Variants in KAZN observed in about 807,000 individuals in gnomAD.
KAZN encodes the protein kazrin, periplakin interacting protein.
Under a neutral mutation model 87.4 loss-of-function variants are expected in KAZN, and 40 were observed. The observed-to-expected ratio is 0.46, with a 90% CI of 0.36 to 0.60. KAZN has a LOEUF of 0.60. Ranked by LOEUF, KAZN falls within the 20% of genes least tolerant of loss-of-function variation. KAZN has a pLI of 0.00. For synonymous variants in KAZN, 466 were observed against 458.3 expected, an observed-to-expected ratio of 1.02 and a Z score of -0.22; for missense variants, 898 against 1,073.9, an observed-to-expected ratio of 0.84 and a Z score of 2.29.
intron 8 of KAZN, among the ~76,000 whole-genome samples, chr1:15,084,721 C>T (rs767563245): frequency 5.8e-4 from 89 of 152,314 alleles, no homozygotes; most frequent in Non-Finnish European, 1.1e-3. Flanking sequence ...CATCCCCACT[C>T]CTCTTCTCTT....
chr1:14,505,902 AGGT>A (rs898148381), intron 2 of KAZN, among the ~76,000 whole-genome samples: 2 of 152,026 alleles, frequency 1.3e-5, no homozygotes. Flanking sequence ...TGAACCCGGG[AGGT>A]GGAGGTTGCA....
chr1:14,887,626 C>T (rs1207682791), intron 1 of KAZN, among the ~76,000 whole-genome samples: 1 of 151,410 alleles, frequency 6.6e-6, no homozygotes, highest in African/African-American at 2.4e-5. Flanking sequence ...AAGACTACCA[C>T]GAGGAGCCCC....
At chr1:14,775,790 A>G (rs1270097983) in intron 1 of KAZN, among the ~76,000 whole-genome samples, 1 of 152,228 alleles carries the variant, frequency 6.6e-6, no homozygotes. Flanking sequence ...TGTCAGCCAG[A>G]GAGGCTGCAA....
chr1:14,819,603 C>T (rs962389427), intron 1 of KAZN, among the ~76,000 whole-genome samples: 1 of 151,906 alleles, frequency 6.6e-6, no homozygotes. Flanking sequence ...ATTTCACAGC[C>T]GAGACTGCGG....
At chr1:14,052,905 G>A (rs1642401172) in intron 1 of KAZN, among the ~76,000 whole-genome samples, 1 of 152,168 alleles carries the variant, frequency 6.6e-6, no homozygotes, top group Non-Finnish European at 1.5e-5. Flanking sequence ...ATTTTCCCAT[G>A]GAATGCCCAT....
intron 2 of KAZN, among the ~76,000 whole-genome samples, chr1:14,247,363 C>T (rs1275521144): frequency 6.6e-6 from 1 of 152,146 alleles, no homozygotes; most frequent in South Asian, 2.1e-4. Flanking sequence ...AAACCAAATG[C>T]TCTCCTCTTT....
intron 2 of KAZN, among the ~76,000 whole-genome samples, chr1:14,281,341 T>C (rs1652826834): frequency 6.6e-6 from 1 of 152,212 alleles, no homozygotes; most frequent in African/African-American, 2.4e-5. Flanking sequence ...TTTCAGTAAT[T>C]ACTTCTGCAC....
chr1:14,228,703 T>G (rs1349655155), intron 2 of KAZN, among the ~76,000 whole-genome samples: 1 of 152,168 alleles, frequency 6.6e-6, no homozygotes, highest in African/African-American at 2.4e-5. Context: ...GGGTGGAGAA[T>G]AAAGGCAAAG....
chr1:14,866,728 TA>T (rs759670565), intron 1 of KAZN, among the ~76,000 whole-genome samples: 286 of 150,654 alleles, frequency 1.9e-3, no homozygotes, highest in African/African-American at 5.5e-3. Flanking sequence ...CTGTGTCTCT[TA>T]AAAAAAAAAA....
At chr1:14,128,014 C>T (rs763215127) in intron 1 of KAZN, among the ~76,000 whole-genome samples, 3 of 152,024 alleles carry the variant, frequency 2.0e-5, no homozygotes, top group African/African-American at 4.8e-5. Flanking sequence ...AAGACGATGC[C>T]GAATGTCAAA....
At chr1:14,727,659 T>C (rs1249810692) in intron 1 of KAZN, among the ~76,000 whole-genome samples, 1 of 151,342 alleles carries the variant, frequency 6.6e-6, no homozygotes, top group Non-Finnish European at 1.5e-5. Flanking sequence ...AGAGACAGGG[T>C]TTCTCCATGT....
chr1:14,956,870 C>T (rs1399844520), intron 1 of KAZN, among the ~76,000 whole-genome samples: 1 of 152,164 alleles, frequency 6.6e-6, no homozygotes, highest in Non-Finnish European at 1.5e-5. Context: ...AATCTGACCT[C>T]TCCAGCCTTC....
At position 14,856,082 on chromosome 1, in the gene KAZN, A is replaced by C. The variant is rs1438271946; in HGVS notation, c.227-104602A>C. On this transcript the variant is annotated intron_variant, in intron 1 of 14. Coordinates refer to ENST00000376030, the MANE Select transcript of KAZN (RefSeq NM_201628.3). This position sits in a 1 kb window ranked among gnomAD's most constrained non-coding sequence, Gnocchi z 5.2. Reference sequence around the variant, plus strand: ...GCAGGTGAGTAATAACGTGATTTACATCCTTGGGGGTTTGGGTTTAAGTTA... The same window carrying C: ...GCAGGTGAGTAATAACGTGATTTACCTCCTTGGGGGTTTGGGTTTAAGTTA... 1.3e-5 allele frequency among the ~76,000 whole-genome samples: 2 copies of C among 152,162 alleles called. No homozygotes were observed. The highest frequency in any genetic ancestry group is 1.3e-4 in the Admixed American group (2 of 15,270).
intron 2 of KAZN, among the ~76,000 whole-genome samples, chr1:14,576,820 C>T (rs990623736): frequency 1.6e-4 from 25 of 152,106 alleles, no homozygotes; most frequent in African/African-American, 5.8e-4. Context: ...AATCCAAGAG[C>T]AAATAATACT....
chr1:14,041,973 G>A (rs911848833), intron 1 of KAZN, among the ~76,000 whole-genome samples: 1 of 152,082 alleles, frequency 6.6e-6, no homozygotes, highest in African/African-American at 2.4e-5. Flanking sequence ...CTCTCTGAAT[G>A]CTTTTAGGAT....
chr1:14,473,653 A>C (rs918709223), intron 2 of KAZN, among the ~76,000 whole-genome samples: 9 of 145,766 alleles, frequency 6.2e-5, no homozygotes, highest in Middle Eastern at 3.5e-3. Flanking sequence ...AAAAAAAAAA[A>C]CACAAAAACA....
At chr1:14,300,195 C>T (rs1204313009) in intron 2 of KAZN, among the ~76,000 whole-genome samples, 1 of 152,132 alleles carries the variant, frequency 6.6e-6, no homozygotes, top group Non-Finnish European at 1.5e-5. Context: ...CAGGATCCTG[C>T]AGGGACTCGG....
At chr1:14,746,833 A>G (rs1252496522) in intron 1 of KAZN, among the ~76,000 whole-genome samples, 1 of 152,166 alleles carries the variant, frequency 6.6e-6, no homozygotes, top group Non-Finnish European at 1.5e-5. Flanking sequence ...CAGTTATTTT[A>G]TATGTTGGTG....
chr1:14,521,046 C>G (rs1365664592), intron 2 of KAZN, among the ~76,000 whole-genome samples: 1 of 152,182 alleles, frequency 6.6e-6, no homozygotes, highest in Admixed American at 6.5e-5. Context: ...GAGTACTCCC[C>G]ACTCTTGGAA....
Sources: gnomAD v4.1 joint callset for allele counts (sites outside exome capture counted in the v4.1 genomes callset) on GRCh38, gnomAD v4.1.1 for gene constraint, Gnocchi (gnomAD v3.1) non-coding constraint, MANE v1.5 for transcripts, NCBI Gene and HGNC (gene_info 2026-07-23, HGNC 2026-07-21) for gene names.